Variants in PAPPA2 observed in about 807,000 individuals in gnomAD.
The protein encoded by PAPPA2 is pappalysin 2, also known as pappalysin-2.
A neutral mutation model predicts 176.4 loss-of-function variants in PAPPA2; 86 were observed. The ratio of observed to expected loss-of-function variants is 0.49; its 90% CI spans 0.41 to 0.58. PAPPA2 has a LOEUF of 0.58. PAPPA2 is among the 20% of genes least tolerant of loss of function. The pLI is 0.00. For missense variants in PAPPA2, 2,073 were observed against 2,256.9 expected (o/e 0.92, Z 1.65); for synonymous variants, 809 against 852.2 (o/e 0.95, Z 0.88).
intron 21 of PAPPA2, among the ~76,000 whole-genome samples, chr1:176,833,061 G>A (rs76468245): frequency 1.5e-3 from 222 of 152,268 alleles, no homozygotes; most frequent in African/African-American, 4.9e-3. Flanking sequence ...AAGTAGACGC[G>A]CAGTCGGCAT....
chr1:176,678,199 G>A (rs568522937), intron 4 of PAPPA2, among the ~76,000 whole-genome samples: 36 of 151,952 alleles, frequency 2.4e-4, no homozygotes, highest in Middle Eastern at 3.2e-3. Context: ...TTTTTCTCTC[G>A]TACCTGTGAA....
chr1:176,588,693 G>A (rs1291728702), intron 2 of PAPPA2, among the ~76,000 whole-genome samples: 1 of 152,182 alleles, frequency 6.6e-6, no homozygotes, highest in Non-Finnish European at 1.5e-5. Context: ...TTTCTTAGGT[G>A]GAGGGAGGGA....
At chr1:176,557,376 G>C in intron 2 of PAPPA2, 135 bp downstream of exon 2, 1 of 1,012,820 alleles carries the variant, frequency 9.9e-7, no homozygotes, top group Middle Eastern at 3.3e-4. Context: ...GGGAGAGGGG[G>C]AAGGGCCTTT....
chr1:176,791,576 C>T (rs749843708), intron 19 of PAPPA2, 94 bp downstream of exon 19: 57 of 1,414,426 alleles, frequency 4.0e-5, no homozygotes, highest in South Asian at 2.8e-4. Context: ...TTTTGTCAGA[C>T]GGAGTCTTGC....
intron 3 of PAPPA2, among the ~76,000 whole-genome samples, chr1:176,617,527 T>C (rs944619292): frequency 1.2e-4 from 18 of 152,296 alleles, no homozygotes; most frequent in African/African-American, 3.8e-4. Context: ...AGCTTAGCTA[T>C]GATACTTAGT....
chr1:176,477,167 T>G (rs1240236461), intron 1 of PAPPA2, among the ~76,000 whole-genome samples: 1 of 152,192 alleles, frequency 6.6e-6, no homozygotes, highest in Non-Finnish European at 1.5e-5. Flanking sequence ...ACCATTAAAA[T>G]CTACCACCCC....
intron 4 of PAPPA2, among the ~76,000 whole-genome samples, chr1:176,688,788 G>T (rs577854232): frequency 7.9e-5 from 12 of 152,170 alleles, no homozygotes; most frequent in Non-Finnish European, 1.8e-4. Flanking sequence ...CAACTGAGCT[G>T]CCTATTAGAT....
chr1:176,699,011 A>G (rs779362472), intron 7 of PAPPA2, 89 bp from the exon 8 acceptor site: 4 of 1,454,106 alleles, frequency 2.8e-6, no homozygotes, highest in African/African-American at 1.4e-5. Context: ...AGTTCTCTCC[A>G]TAGTTCCTCT....
chr1:176,522,254 C>A (rs970700204), intron 1 of PAPPA2, among the ~76,000 whole-genome samples: 1 of 152,190 alleles, frequency 6.6e-6, no homozygotes, highest in African/African-American at 2.4e-5. Flanking sequence ...AAACTTGTAG[C>A]AATATGGACT....
At chr1:176,688,266 G>A (rs1300964258) in intron 4 of PAPPA2, among the ~76,000 whole-genome samples, 2 of 152,198 alleles carry the variant, frequency 1.3e-5, no homozygotes, top group East Asian at 1.9e-4. Flanking sequence ...CACCTGGAAA[G>A]AACAGAAAGC....
At chr1:176,680,431 C>CTT (rs34608033) in intron 4 of PAPPA2, among the ~76,000 whole-genome samples, 76,088 of 151,956 alleles carry the variant, frequency 0.5, 21,136 homozygotes, top group African/African-American at 0.74. Flanking sequence ...CAGCTAAAAA[C>CTT]TTGAATACAA....
At chr1:176,573,171 G>A (rs375443625) in intron 2 of PAPPA2, among the ~76,000 whole-genome samples, 2 of 152,218 alleles carry the variant, frequency 1.3e-5, no homozygotes, top group East Asian at 3.9e-4. Flanking sequence ...AAGGAATGTG[G>A]CCCACTTCAC....
At chr1:176,506,784 G>A (rs546508272) in intron 1 of PAPPA2, among the ~76,000 whole-genome samples, 2 of 151,932 alleles carry the variant, frequency 1.3e-5, no homozygotes, top group Non-Finnish European at 2.9e-5. Context: ...ATAGAGAATC[G>A]TATCATCAGT....
chr1:176,517,377 C>A (rs1203422126), intron 1 of PAPPA2, among the ~76,000 whole-genome samples: 2 of 152,162 alleles, frequency 1.3e-5, no homozygotes, highest in Non-Finnish European at 2.9e-5. Flanking sequence ...ATAGTTCCTG[C>A]TGTAAATCTG....
chr1:176,691,191 T>G (rs1198763041), intron 5 of PAPPA2: 2 of 977,160 alleles, frequency 2.0e-6, no homozygotes, highest in African/African-American at 1.8e-5. Flanking sequence ...ATTAAAGACT[T>G]ATTTGATGAC....
intron 1 of PAPPA2, among the ~76,000 whole-genome samples, chr1:176,481,006 A>G (rs1160849140): frequency 1.3e-5 from 2 of 151,930 alleles, no homozygotes; most frequent in Non-Finnish European, 2.9e-5. Flanking sequence ...TCCTCTTGTC[A>G]CCTCGTTCTG....
At chr1:176,769,935 G>A in intron 16 of PAPPA2, 151 bp downstream of exon 16, 1 of 780,712 alleles carries the variant, frequency 1.3e-6, no homozygotes, top group Non-Finnish European at 2.0e-6. Flanking sequence ...GTCCCAAAAG[G>A]CAACACCACT....
At chr1:176,550,409 C>A (rs1281322180) in intron 1 of PAPPA2, among the ~76,000 whole-genome samples, 1 of 152,178 alleles carries the variant, frequency 6.6e-6, no homozygotes, top group African/African-American at 2.4e-5. Flanking sequence ...GAAGTATAAA[C>A]CCTGCAGAGC....
chr1:176,566,225 C>T (rs75793083), intron 2 of PAPPA2, among the ~76,000 whole-genome samples: 1,830 of 152,224 alleles, frequency 0.012, 12 homozygotes, highest in Middle Eastern at 0.02. Flanking sequence ...GTCTGACTCA[C>T]AGGGTTAGAT....
Sources: gnomAD v4.1 joint callset for allele counts (sites outside exome capture counted in the v4.1 genomes callset) on GRCh38, gnomAD v4.1.1 for gene constraint, MANE v1.5 for transcripts, NCBI Gene and HGNC (gene_info 2026-07-23, HGNC 2026-07-21) for gene names.